The following ESRRB variants were observed in gnomAD, a reference collection of about 807,000 sequenced individuals.
The protein encoded by ESRRB is steroid hormone receptor ERR2.
In ESRRB, 16 loss-of-function variants were observed where a neutral mutation model predicts 46.0. The observed-to-expected ratio is 0.35, with a 90% CI of 0.24 to 0.53. The LOEUF (loss-of-function observed/expected upper bound fraction) is 0.53, where lower values mean the gene tolerates loss of function less well. Ranked by LOEUF, ESRRB falls within the 20% of genes least tolerant of loss-of-function variation. The pLI, the probability that ESRRB is intolerant of heterozygous loss-of-function variation, is 0.93. For synonymous variants in ESRRB, 246 were observed against 259.6 expected (o/e 0.95, Z 0.50); for missense variants, 488 against 607.4 (o/e 0.80, Z 2.07).
At chr14:76,373,086 AAAC>A (rs531409221), upstream of ESRRB, among the ~76,000 whole-genome samples, 57 of 152,328 alleles carry the variant, frequency 3.7e-4, no homozygotes, top group African/African-American at 1.3e-3. Flanking sequence ...TTTGTCACAA[AAAC>A]AACGTGAGCT....
At chr14:76,374,566 T>A (rs1414381148), upstream of ESRRB, among the ~76,000 whole-genome samples, 2 of 152,152 alleles carry the variant, frequency 1.3e-5, no homozygotes, top group Non-Finnish European at 2.9e-5. Flanking sequence ...CTGGCTGCTG[T>A]GTGCCTGGAG....
intron 5 of ESRRB, among the ~76,000 whole-genome samples, chr14:76,490,533 A>C (rs1890182901): frequency 6.6e-6 from 1 of 152,222 alleles, no homozygotes; most frequent in African/African-American, 2.4e-5. Flanking sequence ...ACTATTTCCT[A>C]GATGAGGAAG....
At chr14:76,330,571 A>AC (rs1292626268) in intron 1 of ESRRB, among the ~76,000 whole-genome samples, 1 of 152,228 alleles carries the variant, frequency 6.6e-6, no homozygotes, top group Non-Finnish European at 1.5e-5. Flanking sequence ...AGAGGTCGGG[A>AC]CCCCTCCCTG....
intron 1 of ESRRB, among the ~76,000 whole-genome samples, chr14:76,354,705 G>GC (rs1884357502): frequency 1.0e-5 from 1 of 98,944 alleles, no homozygotes; most frequent in Non-Finnish European, 2.1e-5. Context: ...TAGGTCCTGG[G>GC]CTTTTTTTTT....
At position 76,439,379 on chromosome 14, in the gene ESRRB, G is replaced by C; in HGVS notation, c.89G>C (p.Gly30Ala). 1 of 1,613,668 alleles carries C rather than the reference G, an allele frequency of 6.2e-7. No individual in the cohort carries two copies. The highest frequency in any genetic ancestry group is 8.5e-7 in the Non-Finnish European group (1 of 1,180,036). The change falls in exon 2 of 7, where the codon GGC becomes GCC. Residue 30 changes from glycine to alanine, a missense_variant. Gly to Ala is a moderately conservative substitution (Grantham distance 60). Coordinates refer to ENST00000644823, the MANE Select transcript of ESRRB (RefSeq NM_001379180.1). The stretch of plus-strand genomic sequence containing the variant: ...ATGTCCTCGGACGACAGGCACCTGG[G>C]CTCCAGCTGCGGCTCCTTCATCAAG... ...NRMSSDDRHL[G>A]SSCGSFIKTE... is the part of the protein sequence containing the mutation.
At chr14:76,455,237 T>A (rs1888558231) in intron 2 of ESRRB, among the ~76,000 whole-genome samples, 1 of 152,054 alleles carries the variant, frequency 6.6e-6, no homozygotes, top group South Asian at 2.1e-4. Flanking sequence ...TATATATATG[T>A]TTTATAATGA....
At chr14:76,389,303 C>A (rs1165733933) in intron 1 of ESRRB, among the ~76,000 whole-genome samples, 1 of 152,176 alleles carries the variant, frequency 6.6e-6, no homozygotes, top group African/African-American at 2.4e-5. Flanking sequence ...CTGTCTCATG[C>A]CCCTGACTGG....
At chr14:76,389,917 G>A (rs963784259) in intron 1 of ESRRB, among the ~76,000 whole-genome samples, 7 of 152,098 alleles carry the variant, frequency 4.6e-5, no homozygotes, top group South Asian at 2.1e-4. Flanking sequence ...AAAACCATGC[G>A]ATGCTGAGCT....
At chr14:76,331,270 C>T (rs530792834) in intron 1 of ESRRB, among the ~76,000 whole-genome samples, 14 of 152,248 alleles carry the variant, frequency 9.2e-5, no homozygotes, top group Admixed American at 3.9e-4. Flanking sequence ...TGGTGAAGAC[C>T]GGCCAGTGGT....
At position 76,446,991 on chromosome 14, in the gene ESRRB, C is replaced by A. The variant is rs142618431; in HGVS notation, c.460+7241C>A. On this transcript the variant is annotated intron_variant, in intron 2 of 6. Coordinates refer to ENST00000644823, the MANE Select transcript of ESRRB (RefSeq NM_001379180.1). The stretch of plus-strand genomic sequence containing the variant: ...GTCTCTCTCAGCAATGACTCTGCCT[C>A]CTGTTTTATTGAGAAACTAGAACTC... 5.3e-5 allele frequency among the ~76,000 whole-genome samples: 8 copies of A among 152,284 alleles called. No homozygotes were observed. The East Asian group carries it at 1.5e-3, about 29-fold the overall frequency.
chr14:76,359,082 A>G lies in ESRRB; in HGVS notation c.2+48166A>G, dbSNP rs190603050. ...CCAAGCATGTTGGTAGGGGAAGACC[A>G]TTGCTGAGAAACATCGCCACATGTT... On this transcript the variant is annotated intron_variant, in intron 1 of 6. Coordinates refer to the ESRRB transcript ENST00000512784. Among the ~76,000 whole-genome samples the G allele has an allele frequency of 1.2e-4, 19 of 152,338 alleles. No homozygotes were observed. The East Asian group carries it at 3.3e-3, about 26-fold the overall frequency.
At chr14:76,386,206 T>G (rs1483355592) in intron 1 of ESRRB, among the ~76,000 whole-genome samples, 2 of 152,200 alleles carry the variant, frequency 1.3e-5, no homozygotes, top group Non-Finnish European at 2.9e-5. Flanking sequence ...AATTTTCCTC[T>G]GAACGAATCC....
intron 2 of ESRRB, among the ~76,000 whole-genome samples, chr14:76,452,200 G>A (rs537407253): frequency 1.0e-3 from 153 of 151,948 alleles, no homozygotes; most frequent in Non-Finnish European, 1.9e-3. Flanking sequence ...TTGGCCTCCC[G>A]AAGTGCTGGG....
chr14:76,354,778 C>T (rs562298668), intron 1 of ESRRB, among the ~76,000 whole-genome samples: 254 of 147,464 alleles, frequency 1.7e-3, no homozygotes, highest in Admixed American at 3.2e-3. Context: ...GGCTCGATCT[C>T]AGCTCACTGC....
intron 1 of ESRRB, among the ~76,000 whole-genome samples, chr14:76,331,275 A>G (rs1175066676): frequency 6.6e-6 from 1 of 152,146 alleles, no homozygotes; most frequent in Non-Finnish European, 1.5e-5. Context: ...AAGACCGGCC[A>G]GTGGTAATGG....
intron 1 of ESRRB, among the ~76,000 whole-genome samples, chr14:76,338,891 C>G (rs1321785784): frequency 6.6e-6 from 1 of 152,148 alleles, no homozygotes; most frequent in South Asian, 2.1e-4. Context: ...TGCAGTGAGC[C>G]AAGATTGTGC....
intron 1 of ESRRB, among the ~76,000 whole-genome samples, chr14:76,316,906 C>T (rs1331493774): frequency 6.6e-6 from 1 of 152,140 alleles, no homozygotes; most frequent in Non-Finnish European, 1.5e-5. Flanking sequence ...ATGCTCTCTC[C>T]TCTCCCCTTT....
chr14:76,316,122 T>C (rs1027270422), intron 1 of ESRRB, among the ~76,000 whole-genome samples: 8 of 152,216 alleles, frequency 5.3e-5, no homozygotes, highest in Non-Finnish European at 8.8e-5. Flanking sequence ...AGCTGGTGAC[T>C]GCTTTGGCCT....
At chr14:76,466,597 A>G (rs1262561624) in intron 3 of ESRRB, among the ~76,000 whole-genome samples, 2 of 152,164 alleles carry the variant, frequency 1.3e-5, no homozygotes, top group African/African-American at 4.8e-5. Flanking sequence ...CTAGTACATA[A>G]AAATCTGTAT....
Sources: allele counts gnomAD v4.1 joint callset (sites outside exome capture counted in the v4.1 genomes callset), GRCh38; gene constraint gnomAD v4.1.1; transcripts MANE v1.5; gene names NCBI Gene and HGNC (gene_info 2026-07-23, HGNC 2026-07-21).